CDHR3: variants seen among roughly 807,000 people sequenced by gnomAD.
The protein encoded by CDHR3 is cadherin related family member 3, also known as cadherin-related family member 3.
CDHR3 carries 79 observed loss-of-function variants against 86.6 expected under a neutral mutation model. The observed-to-expected ratio is 0.91, with a 90% confidence interval of 0.76 to 1.10. The LOEUF (loss-of-function observed/expected upper bound fraction) is 1.10. CDHR3 is among the 50% of genes least tolerant of loss of function. The pLI, the probability that CDHR3 is intolerant of heterozygous loss-of-function variation, is 0.00. For missense variants in CDHR3, 1,081 were observed against 1,077.6 expected, an observed-to-expected ratio of 1.00 and a Z score of -0.04; for synonymous variants, 421 against 402.4, an observed-to-expected ratio of 1.05 and a Z score of -0.55.
chr7:105,967,578 A>G (rs971116986), intron 1 of CDHR3, among the ~76,000 whole-genome samples: 3 of 152,196 alleles, frequency 2.0e-5, no homozygotes, highest in East Asian at 1.9e-4. Flanking sequence ...CCAACAGCGT[A>G]AAAGCGTTCC....
chr7:105,981,675 C>T (rs749801964), intron 3 of CDHR3, among the ~76,000 whole-genome samples: 2 of 152,108 alleles, frequency 1.3e-5, no homozygotes, highest in Non-Finnish European at 2.9e-5. Flanking sequence ...CTGTGGCGGT[C>T]GTAACACAAA....
chr7:105,993,923 C>T (rs1831785071), intron 4 of CDHR3, among the ~76,000 whole-genome samples: 1 of 152,134 alleles, frequency 6.6e-6, no homozygotes, highest in African/African-American at 2.4e-5. Context: ...ATCAAGAGAG[C>T]TGGGCTGGAA....
chr7:105,994,882 A>T (rs1338354385), intron 5 of CDHR3, 37 bp downstream of exon 5: 2 of 1,511,046 alleles, frequency 1.3e-6, no homozygotes, highest in Non-Finnish European at 1.8e-6. Context: ...AGTACTGTTT[A>T]TCTGAGGGTC....
At chr7:105,967,740 G>A (rs1292016378) in intron 1 of CDHR3, among the ~76,000 whole-genome samples, 1 of 152,200 alleles carries the variant, frequency 6.6e-6, no homozygotes, top group Non-Finnish European at 1.5e-5. Context: ...TCTGTTGGCT[G>A]CATAAATGTC....
chr7:106,001,629 T>C lies in CDHR3; in HGVS notation c.862+19T>C, dbSNP rs372602040. The C allele has an allele frequency of 7.4e-6, 12 of 1,613,048 alleles. No homozygotes were observed. Among genetic ancestry groups the C allele is most frequent in the Middle Eastern group, 1.7e-4 (1 of 6,056 alleles). On this transcript the variant is annotated intron_variant, in intron 7 of 18. Coordinates refer to ENST00000317716, the MANE Select transcript of CDHR3 (RefSeq NM_152750.5). ...AATCAGTGTAAGCCACTCACTTCCA[T>C]CCTTAAGTGCATCCTCTAATTCAGC...
chr7:106,000,532 C>T (rs1037612843), intron 6 of CDHR3, among the ~76,000 whole-genome samples: 1 of 152,214 alleles, frequency 6.6e-6, no homozygotes, highest in African/African-American at 2.4e-5. Context: ...ATGGGAAGAC[C>T]TCCACTTGGG....
chr7:106,029,764 C>A (rs1838054539), intron 17 of CDHR3, among the ~76,000 whole-genome samples: 1 of 152,194 alleles, frequency 6.6e-6, no homozygotes, highest in African/African-American at 2.4e-5. Context: ...TGGCTTCAGG[C>A]ACATCCATCC....
intron 17 of CDHR3, among the ~76,000 whole-genome samples, chr7:106,029,601 C>T (rs1467379450): frequency 6.6e-6 from 1 of 151,438 alleles, no homozygotes; most frequent in African/African-American, 2.4e-5. Context: ...TTATCTACCC[C>T]CTGGGAAGTG....
intron 13 of CDHR3, among the ~76,000 whole-genome samples, 171 bp downstream of exon 13, chr7:106,020,715 C>T (rs1441427126): frequency 1.3e-5 from 2 of 152,174 alleles, no homozygotes; most frequent in African/African-American, 4.8e-5. Context: ...TTTTGAACCC[C>T]TGGGCTCAAG....
intron 4 of CDHR3, among the ~76,000 whole-genome samples, chr7:105,985,248 G>A (rs1830355726): frequency 6.6e-6 from 1 of 152,178 alleles, no homozygotes; most frequent in Non-Finnish European, 1.5e-5. Flanking sequence ...AAGCCTCTTA[G>A]TTGTTCCCTG....
rs1452338411 is a variant in CDHR3, at chr7:106,020,424, A to G, written c.1705A>G (p.Asn569Asp). 6.2e-7 allele frequency: 1 copy of G among 1,613,978 alleles called. No homozygotes were observed. Among genetic ancestry groups the G allele is most frequent in the African/African-American group, 1.3e-5 (1 of 75,034 alleles). Residue 569 changes from asparagine (N) to aspartate (D), a missense_variant, in exon 13 of 19, where the codon AAC becomes GAC. Asn to Asp is a conservative substitution (Grantham distance 23). Transcript: ENST00000317716. ...TGATGAAAAGCCAATTTGTACTCCA[A>G]ACTCTTATTTCCTGGCCCTCCCAGT... ...ENDEKPICTP[N>D]SYFLALPVDL...
chr7:106,025,136 C>T (rs1469558813), intron 15 of CDHR3, among the ~76,000 whole-genome samples: 1 of 152,122 alleles, frequency 6.6e-6, no homozygotes, highest in African/African-American at 2.4e-5. Context: ...TCTTATTGTG[C>T]CAATCTGTGA....
rs1185101855 is a variant in CDHR3, at chr7:106,030,883, C to T, written c.2353+43C>T. On this transcript the variant is annotated intron_variant, in intron 18 of 18. Coordinates refer to ENST00000317716, the MANE Select transcript of CDHR3 (RefSeq NM_152750.5). This position sits in a 1 kb window ranked among gnomAD's most constrained non-coding sequence, Gnocchi z 4.8. Reference sequence around the variant, plus strand: ...CCACTGTAAGAATGCTTTTTATATTCCAGACTGGTAGAAGCATGGAGGATC... The same window carrying T: ...CCACTGTAAGAATGCTTTTTATATTTCAGACTGGTAGAAGCATGGAGGATC... 2.1e-5 allele frequency: 33 copies of T among 1,542,746 alleles called. No individual in the cohort carries two copies. Among genetic ancestry groups the T allele is most frequent in the Non-Finnish European group, 2.8e-5 (32 of 1,124,514 alleles).
At chr7:106,007,675 T>C (rs1382611508) in intron 8 of CDHR3, among the ~76,000 whole-genome samples, 1 of 152,238 alleles carries the variant, frequency 6.6e-6, no homozygotes, top group African/African-American at 2.4e-5. Context: ...GTCCATATCA[T>C]GAACAGCATT....
In CDHR3 at chr7:105,996,236, T is replaced by G. The variant is rs1050593119; in HGVS notation, c.609-14T>G. The G allele has an allele frequency of 6.9e-7, 1 of 1,450,970 alleles. No homozygotes were observed. The highest frequency in any genetic ancestry group is 9.7e-7 in the Non-Finnish European group (1 of 1,035,614). The allele number at this position is 1,450,970 out of a possible 1,614,324, so 89.9% of individuals were successfully genotyped here. A position where few individuals can be genotyped will look rare whatever the true frequency, so the allele number is the denominator to read the frequency against. ...CAAAGCTTGATTCTCTCACGTGGAA[T>G]GTTTCCCTGGCAGTTTCCATCTCAT... is the stretch of plus-strand genomic sequence containing the variant. On this transcript the variant is annotated splice_polypyrimidine_tract_variant and intron_variant, in intron 5 of 18. Coordinates refer to ENST00000317716, the MANE Select transcript of CDHR3 (RefSeq NM_152750.5).
rs1838878591 is a variant in CDHR3, at chr7:106,035,840, G to A, written c.*3143G>A. ...AGTTACAACGTTGCAACGAAGACTC[G>A]GCTGGCAATCAGTCTGATTGGTTAC... On this transcript the variant is annotated 3_prime_UTR_variant, in exon 19 of 19. Transcript: ENST00000317716. 6.6e-6 allele frequency: 1 copy of A among 152,114 alleles called. No individual in the cohort carries two copies. Among genetic ancestry groups the A allele is most frequent in the African/African-American group, 2.4e-5 (1 of 41,416 alleles). The allele number at this position is 152,114 out of a possible 1,614,324, so 9.4% of individuals were successfully genotyped here.
At chr7:105,995,645 T>C (rs140440756) in intron 5 of CDHR3, among the ~76,000 whole-genome samples, 1 of 152,322 alleles carries the variant, frequency 6.6e-6, no homozygotes, top group East Asian at 1.9e-4. Flanking sequence ...TTGAGTGTTG[T>C]CTTTATTGAT....
intron 6 of CDHR3, among the ~76,000 whole-genome samples, chr7:105,996,594 G>T (rs1458001262): frequency 3.9e-5 from 6 of 152,112 alleles, no homozygotes. Flanking sequence ...TTTTGGATAT[G>T]GTGGGGAGAA....
At chr7:105,972,841 C>T (rs1040094125) in intron 1 of CDHR3, among the ~76,000 whole-genome samples, 6 of 152,254 alleles carry the variant, frequency 3.9e-5, no homozygotes, top group South Asian at 4.2e-4. Context: ...GATAATTCTG[C>T]GAGCGACAAT....
Sources: gnomAD v4.1 joint callset for allele counts (sites outside exome capture counted in the v4.1 genomes callset) on GRCh38, gnomAD v4.1.1 for gene constraint, Gnocchi (gnomAD v3.1) non-coding constraint, MANE v1.5 for transcripts, NCBI Gene and HGNC (gene_info 2026-07-23, HGNC 2026-07-21) for gene names.